CLYBL: variants seen among roughly 807,000 people sequenced by gnomAD.
The protein encoded by CLYBL is citramalyl-CoA lyase, mitochondrial.
Under a neutral mutation model 38.9 loss-of-function variants are expected in CLYBL, and 31 were observed. The ratio of observed to expected loss-of-function variants is 0.80; its 90% CI spans 0.60 to 1.08. The LOEUF (loss-of-function observed/expected upper bound fraction) is 1.08. Ranked by LOEUF, CLYBL falls within the 50% of genes least tolerant of loss-of-function variation. The pLI is 0.00. For missense variants in CLYBL, 434 were observed against 411.6 expected (o/e 1.05, Z -0.47); for synonymous variants, 171 against 158.6 (o/e 1.08, Z -0.59).
intron 2 of CLYBL, among the ~76,000 whole-genome samples, chr13:99,781,170 TTA>T (rs751424572): frequency 1.3e-5 from 2 of 149,730 alleles, no homozygotes; most frequent in Admixed American, 6.6e-5. Context: ...TTATTTTTAT[TTA>T]TTTATTTATT....
chr13:99,903,021 G>T (rs1311512513), intron 8 of CLYBL, among the ~76,000 whole-genome samples: 1 of 152,180 alleles, frequency 6.6e-6, no homozygotes. Context: ...TCTATTTCCT[G>T]TGACCTATCA....
chr13:99,708,274 C>T (rs941119289), intron 1 of CLYBL, among the ~76,000 whole-genome samples: 1 of 152,224 alleles, frequency 6.6e-6, no homozygotes, highest in Non-Finnish European at 1.5e-5. Flanking sequence ...AGCCCTCACA[C>T]CCGGCCTGAT....
chr13:99,688,107 A>T (rs1327864514), intron 1 of CLYBL, among the ~76,000 whole-genome samples: 1 of 152,230 alleles, frequency 6.6e-6, no homozygotes, highest in Non-Finnish European at 1.5e-5. Flanking sequence ...ATTTTCATTT[A>T]GAGTTGCTTT....
In CLYBL at chr13:99,633,552, T is replaced by A. The variant is rs1361499252; in HGVS notation, c.62+26795T>A. Among the ~76,000 whole-genome samples, 82 of 122,524 alleles carry A rather than the reference T, an allele frequency of 6.7e-4. 1 individual carries two copies. Among genetic ancestry groups the A allele is most frequent in the Middle Eastern group, 8.2e-3 (2 of 244 alleles). The allele number at this position is 122,524 out of a possible 152,430, so 80.4% of individuals were successfully genotyped here. On this transcript the variant is annotated intron_variant, in intron 1 of 8. Transcript: ENST00000339105. ...TCTGTCTCAAAAAAAAAAAAAAAAA[T>A]AGCTATGAAAAAGAGCTGAAAGGTT... is the stretch of plus-strand genomic sequence containing the variant.
intron 1 of CLYBL, among the ~76,000 whole-genome samples, chr13:99,668,394 G>A (rs982534455): frequency 9.8e-5 from 15 of 152,294 alleles, no homozygotes; most frequent in Admixed American, 2.6e-4. Flanking sequence ...AGACCAGCCT[G>A]ACCAACATGG....
chr13:99,642,619 T>G (rs2047112706), intron 1 of CLYBL, among the ~76,000 whole-genome samples: 1 of 151,774 alleles, frequency 6.6e-6, no homozygotes, highest in Admixed American at 6.6e-5. Flanking sequence ...GGTCTCCCCA[T>G]GTTGTCCAGG....
intron 1 of CLYBL, among the ~76,000 whole-genome samples, chr13:99,714,548 T>C (rs1213033348): frequency 4.0e-5 from 6 of 151,552 alleles, no homozygotes; most frequent in African/African-American, 9.7e-5. Flanking sequence ...ACCGGGGAGG[T>C]AGAGGTTGCA....
At chr13:99,823,055 T>C (rs1412381864) in intron 2 of CLYBL, among the ~76,000 whole-genome samples, 1 of 152,238 alleles carries the variant, frequency 6.6e-6, no homozygotes, top group Non-Finnish European at 1.5e-5. Context: ...CTTGTAAATA[T>C]TTTCACAACT....
intron 2 of CLYBL, among the ~76,000 whole-genome samples, chr13:99,833,007 C>CATATATATAT (rs1555314795): frequency 6.2e-4 from 32 of 51,584 alleles, no homozygotes; most frequent in African/African-American, 1.8e-3. Context: ...TACATACATA[C>CATATATATAT]ATATATATAT....
At chr13:99,693,031 G>T (rs900788305) in intron 1 of CLYBL, among the ~76,000 whole-genome samples, 1 of 152,124 alleles carries the variant, frequency 6.6e-6, no homozygotes, top group African/African-American at 2.4e-5. Context: ...ATGAACATTT[G>T]TGTACAAGTT....
intron 1 of CLYBL, among the ~76,000 whole-genome samples, chr13:99,680,040 T>C (rs1241974146): frequency 1.3e-5 from 2 of 152,260 alleles, no homozygotes; most frequent in Non-Finnish European, 2.9e-5. Context: ...TCAGTATTTG[T>C]GCTGGAAACT....
At chr13:99,753,591 G>A (rs1400825367) in intron 1 of CLYBL, among the ~76,000 whole-genome samples, 3 of 152,178 alleles carry the variant, frequency 2.0e-5, no homozygotes, top group African/African-American at 7.2e-5. Context: ...TGATTAGTAC[G>A]TCTTTAAAAT....
At chr13:99,800,049 C>T (rs542410807) in intron 2 of CLYBL, among the ~76,000 whole-genome samples, 4 of 152,244 alleles carry the variant, frequency 2.6e-5, no homozygotes, top group Non-Finnish European at 5.9e-5. Context: ...GGAAATGTTC[C>T]TGGGAGGAAC....
intron 1 of CLYBL, among the ~76,000 whole-genome samples, chr13:99,693,113 C>CAAAATGTAAACT (rs1159630487): frequency 6.6e-6 from 1 of 152,128 alleles, no homozygotes; most frequent in African/African-American, 2.4e-5. Flanking sequence ...CTTATGGTAA[C>CAAAATGTAAACT]TATGTTTAAC....
At position 99,642,703 on chromosome 13, in the gene CLYBL, C is replaced by T. The variant is rs531884821; in HGVS notation, c.62+35946C>T. Among the ~76,000 whole-genome samples, 9 of 152,228 alleles carry T rather than the reference C, an allele frequency of 5.9e-5. 1 individual carries two copies. Among genetic ancestry groups the T allele is most frequent in the South Asian group, 4.1e-4 (2 of 4,824 alleles). ...CAAGTGCTGGGGTTACAGGCATGAGCCACCATGCCCAGCCTCTCCTTCCTG... is the reference window on the plus strand; with the variant it reads ...CAAGTGCTGGGGTTACAGGCATGAGTCACCATGCCCAGCCTCTCCTTCCTG... On this transcript the variant is annotated intron_variant, in intron 1 of 8. Coordinates refer to ENST00000339105, the MANE Select transcript of CLYBL (RefSeq NM_206808.5).
intron 1 of CLYBL, among the ~76,000 whole-genome samples, chr13:99,646,853 G>A (rs530506926): frequency 3.3e-5 from 5 of 152,116 alleles, no homozygotes; most frequent in African/African-American, 7.2e-5. Context: ...TAAGGAGCTC[G>A]TTACAAAGGC....
intron 1 of CLYBL, among the ~76,000 whole-genome samples, chr13:99,617,945 C>T (rs897220584): frequency 3.9e-5 from 6 of 152,286 alleles, no homozygotes; most frequent in African/African-American, 9.6e-5. Flanking sequence ...GCCTCCACCC[C>T]GCTAAGCAGC....
chr13:99,894,179 CCT>C (rs1227353402), downstream of CLYBL: 11 of 152,434 alleles, frequency 7.2e-5, no homozygotes, highest in East Asian at 1.9e-3. Flanking sequence ...GGGTATTCCC[CCT>C]CTTTCCCCAC....
At chr13:99,732,169 G>GTTTTTT (rs35027014) in intron 1 of CLYBL, among the ~76,000 whole-genome samples, 6 of 90,778 alleles carry the variant, frequency 6.6e-5, no homozygotes, top group Non-Finnish European at 1.3e-4. Context: ...TTATATGGCA[G>GTTTTTT]TTTTTTTTTT....
Sources: allele counts gnomAD v4.1 joint callset (sites outside exome capture counted in the v4.1 genomes callset), GRCh38; gene constraint gnomAD v4.1.1; transcripts MANE v1.5; gene names NCBI Gene and HGNC (gene_info 2026-07-23, HGNC 2026-07-21).